The following WWOX variants were observed in gnomAD, a reference collection of about 807,000 sequenced individuals.
WWOX encodes the protein WW domain-containing oxidoreductase.
A neutral mutation model predicts 46.2 loss-of-function variants in WWOX; 69 were observed. The ratio of observed to expected loss-of-function variants is 1.49; its 90% CI spans 1.23 to 1.82. The LOEUF (loss-of-function observed/expected upper bound fraction) is 1.82, where lower values mean the gene tolerates loss of function less well. Ranked by LOEUF, WWOX falls within the 40% of genes most tolerant of loss-of-function variation. WWOX has a pLI of 0.00. For missense variants in WWOX, 919 were observed against 542.6 expected, an observed-to-expected ratio of 1.69 and a Z score of -6.89; for synonymous variants, 359 against 202.6, an observed-to-expected ratio of 1.77 and a Z score of -6.56.
intron 8 of WWOX, among the ~76,000 whole-genome samples, chr16:78,731,730 A>G (rs1047695669): frequency 2.6e-5 from 4 of 152,082 alleles, no homozygotes; most frequent in Non-Finnish European, 4.4e-5. Context: ...GGATAAGGCC[A>G]GGGTGCAGAC....
At chr16:78,386,747 C>T (rs987038430) in intron 5 of WWOX, 113 bp from the exon 6 acceptor site, 1 of 921,268 alleles carries the variant, frequency 1.1e-6, no homozygotes. Context: ...CTCTGGGCGT[C>T]TTATATTAAA....
chr16:79,055,087 A>C (rs115166926), intron 8 of WWOX, among the ~76,000 whole-genome samples: 2 of 152,330 alleles, frequency 1.3e-5, no homozygotes, highest in African/African-American at 4.8e-5. Flanking sequence ...AATAATAGCC[A>C]GTGAATATAA....
intron 8 of WWOX, among the ~76,000 whole-genome samples, chr16:78,819,396 C>A (rs912015531): frequency 6.6e-6 from 1 of 152,206 alleles, no homozygotes; most frequent in Admixed American, 6.5e-5. Flanking sequence ...TGTCAGTTTA[C>A]AATTTCCATG....
chr16:79,073,150 G>A (rs951169298), intron 8 of WWOX, among the ~76,000 whole-genome samples: 6 of 143,116 alleles, frequency 4.2e-5, no homozygotes, highest in East Asian at 4.1e-4. Context: ...GTAGTTATTC[G>A]TTATTATTAT....
chr16:78,278,519 T>C, intron 5 of WWOX: 1 of 1,363,010 alleles, frequency 7.3e-7, no homozygotes, highest in Non-Finnish European at 1.0e-6. Flanking sequence ...AGCAAAAACT[T>C]ATCTTTGGAA....
At chr16:78,882,453 G>C (rs1017155233) in intron 8 of WWOX, among the ~76,000 whole-genome samples, 6 of 151,028 alleles carry the variant, frequency 4.0e-5, no homozygotes. Flanking sequence ...GCTGGAGAAG[G>C]TTCTGTTAAC....
chr16:78,796,399 G>C (rs1378483103), intron 8 of WWOX, among the ~76,000 whole-genome samples: 1 of 152,196 alleles, frequency 6.6e-6, no homozygotes, highest in Non-Finnish European at 1.5e-5. Flanking sequence ...GTCAAGCCTG[G>C]AAGCAGTGAG....
chr16:78,131,434 T>G lies in WWOX; in HGVS notation c.409+16280T>G, dbSNP rs570092964. Among the ~76,000 whole-genome samples, 201 of 152,256 alleles carry G rather than the reference T, an allele frequency of 1.3e-3. 1 individual carries two copies. Among genetic ancestry groups the G allele is most frequent in the African/African-American group, 4.7e-3 (194 of 41,540 alleles). Reference sequence around the variant, plus strand: ...CTTGCTATGTTGCCCATGCTGGTCTTGAACTCGTGGGCTCAAGCAGTACAC... The same window carrying G: ...CTTGCTATGTTGCCCATGCTGGTCTGGAACTCGTGGGCTCAAGCAGTACAC... On this transcript the variant is annotated intron_variant, in intron 4 of 8. Transcript: ENST00000566780.
At chr16:78,218,158 GATCCTCCTGCCTC>G (rs1461062734) in intron 5 of WWOX, among the ~76,000 whole-genome samples, 2 of 152,066 alleles carry the variant, frequency 1.3e-5, no homozygotes, top group African/African-American at 2.4e-5. Flanking sequence ...AGACTGAAGC[GATCCTCCTGCCTC>G]AGCCTCCCGA....
At chr16:78,495,720 G>C (rs961628200) in intron 8 of WWOX, among the ~76,000 whole-genome samples, 2 of 151,828 alleles carry the variant, frequency 1.3e-5, no homozygotes, top group South Asian at 2.1e-4. Context: ...TGTTGGCCAG[G>C]GTGGTCTCGA....
intron 8 of WWOX, among the ~76,000 whole-genome samples, chr16:78,918,959 A>T (rs545067390): frequency 1.3e-5 from 2 of 152,184 alleles, no homozygotes; most frequent in Non-Finnish European, 2.9e-5. Context: ...TACCTTTCTG[A>T]TTGGACCCAG....
intron 5 of WWOX, among the ~76,000 whole-genome samples, chr16:78,308,018 A>G (rs2080165117): frequency 6.6e-6 from 1 of 152,196 alleles, no homozygotes. Context: ...CTGAAGTTGA[A>G]TCTGCAGTAG....
chr16:78,441,152 A>G (rs981854319), intron 8 of WWOX, among the ~76,000 whole-genome samples: 2 of 151,832 alleles, frequency 1.3e-5, no homozygotes, highest in African/African-American at 4.8e-5. Context: ...CATGTTGGCC[A>G]AGCTCGTCTC....
rs2047660476 is a variant in WWOX at position 79,027,071 on chromosome 16, G to T, written c.1057-184537G>T. On this transcript the variant is annotated intron_variant, in intron 8 of 8. Transcript: ENST00000566780. ...AAGGCAGGAGGATCACGTGAGCCCAGCAGTTCAAGACCAGCCTTGGCAACA... is the reference window on the plus strand; with the variant it reads ...AAGGCAGGAGGATCACGTGAGCCCATCAGTTCAAGACCAGCCTTGGCAACA... 1.3e-5 allele frequency among the ~76,000 whole-genome samples: 2 copies of T among 151,534 alleles called. 1 individual carries two copies. The highest frequency in any genetic ancestry group is 4.9e-5 in the African/African-American group (2 of 40,940).
intron 8 of WWOX, among the ~76,000 whole-genome samples, chr16:78,572,522 G>T (rs1220560849): frequency 6.8e-6 from 1 of 147,436 alleles, no homozygotes; most frequent in Non-Finnish European, 1.5e-5. Context: ...AGGACCTCTT[G>T]AGCCGGGAAG....
chr16:78,473,203 C>T (rs1270462979), intron 8 of WWOX, among the ~76,000 whole-genome samples: 4 of 152,176 alleles, frequency 2.6e-5, no homozygotes, highest in Non-Finnish European at 1.5e-5. Flanking sequence ...GTTCTCTGCT[C>T]ACTGCGGCCT....
chr16:78,908,364 A>T (rs1483019190), intron 8 of WWOX, among the ~76,000 whole-genome samples: 1 of 151,856 alleles, frequency 6.6e-6, no homozygotes, highest in Non-Finnish European at 1.5e-5. Context: ...AGGTGGTGAA[A>T]CCCCATCCCT....
intron 8 of WWOX, among the ~76,000 whole-genome samples, chr16:78,908,228 CAG>C (rs1315279282): frequency 1.3e-5 from 2 of 152,042 alleles, no homozygotes; most frequent in African/African-American, 2.4e-5. Flanking sequence ...TTTATCAAGA[CAG>C]GGGGATTGCC....
chr16:78,702,585 G>T (rs565094066), intron 8 of WWOX, among the ~76,000 whole-genome samples: 1 of 151,832 alleles, frequency 6.6e-6, no homozygotes, highest in Non-Finnish European at 1.5e-5. Flanking sequence ...AATCTGGGAG[G>T]TGGAGGTTGT....
Sources: gnomAD v4.1 joint callset for allele counts (sites outside exome capture counted in the v4.1 genomes callset) on GRCh38, gnomAD v4.1.1 for gene constraint, MANE v1.5 for transcripts, NCBI Gene and HGNC (gene_info 2026-07-23, HGNC 2026-07-21) for gene names.